The following SLC9A9 variants were observed in gnomAD, a reference collection of about 807,000 sequenced individuals.
SLC9A9 encodes solute carrier family 9 member A9, also known as sodium/hydrogen exchanger 9.
Under a neutral mutation model 77.8 loss-of-function variants are expected in SLC9A9, and 62 were observed. The ratio of observed to expected loss-of-function variants is 0.80; its 90% CI spans 0.65 to 0.98. The LOEUF (loss-of-function observed/expected upper bound fraction) is 0.98. Among genes scored for constraint, SLC9A9 ranks in the 50% least tolerant of loss-of-function variants. The pLI is 0.00. For synonymous variants in SLC9A9, 320 were observed against 283.5 expected (o/e 1.13, Z -1.29); for missense variants, 775 against 774.9 (o/e 1.00, Z 0.00).
At chr3:143,430,901 T>C (rs2034501895) in intron 12 of SLC9A9, among the ~76,000 whole-genome samples, 1 of 152,150 alleles carries the variant, frequency 6.6e-6, no homozygotes, top group South Asian at 2.1e-4. Flanking sequence ...GCTCTCTTCC[T>C]TTTTCCTTCC....
At chr3:143,533,276 C>T (rs6768181) in intron 9 of SLC9A9, among the ~76,000 whole-genome samples, 31,228 of 152,150 alleles carry the variant, frequency 0.21, 3,276 homozygotes, top group East Asian at 0.32. Context: ...CACAAATACA[C>T]GAGCAGACCC....
At chr3:143,398,802 G>T (rs574125528) in intron 12 of SLC9A9, among the ~76,000 whole-genome samples, 5 of 152,154 alleles carry the variant, frequency 3.3e-5, no homozygotes, top group African/African-American at 1.2e-4. Context: ...AATTAAAACA[G>T]CTTTGGGATA....
chr3:143,418,767 T>C (rs952192824), intron 12 of SLC9A9, among the ~76,000 whole-genome samples: 8 of 152,138 alleles, frequency 5.3e-5, no homozygotes, highest in Non-Finnish European at 1.2e-4. Flanking sequence ...CTTGAGATCA[T>C]GAATTTAAAG....
intron 14 of SLC9A9, among the ~76,000 whole-genome samples, chr3:143,285,269 T>C (rs1938351532): frequency 6.6e-6 from 1 of 152,178 alleles, no homozygotes; most frequent in African/African-American, 2.4e-5. Flanking sequence ...GTGTGTGATG[T>C]TCCCTGCCCT....
chr3:143,419,316 C>A (rs1235561272), intron 12 of SLC9A9, among the ~76,000 whole-genome samples: 1 of 152,112 alleles, frequency 6.6e-6, no homozygotes, highest in Non-Finnish European at 1.5e-5. Context: ...GCACAGAGAG[C>A]TTAAGTAACT....
intron 4 of SLC9A9, among the ~76,000 whole-genome samples, chr3:143,741,801 G>A (rs140122533): frequency 6.9e-4 from 105 of 152,196 alleles, no homozygotes; most frequent in Non-Finnish European, 1.3e-3. Flanking sequence ...TTATGACTGA[G>A]ACAGTGAAAG....
intron 12 of SLC9A9, among the ~76,000 whole-genome samples, chr3:143,390,898 G>A (rs557353186): frequency 6.6e-6 from 1 of 152,210 alleles, no homozygotes; most frequent in Admixed American, 6.5e-5. Flanking sequence ...CAGCAAGGCT[G>A]GGGGAGGGGT....
rs375152630 is a variant in SLC9A9 at position 143,325,271 on chromosome 3, A to G, written c.1604+38213T>C. Among the ~76,000 whole-genome samples, 279 of 152,326 alleles carry G rather than the reference A, an allele frequency of 1.8e-3. 1 individual carries two copies. Among genetic ancestry groups the G allele is most frequent in the African/African-American group, 6.5e-3 (269 of 41,566 alleles). ...ATACAAGGACTGAATGAGAAAATGC[A>G]TGTAAAACACCCAACACAGTCCTTA... On this transcript the variant is annotated intron_variant, in intron 14 of 15. Coordinates refer to ENST00000316549, the MANE Select transcript of SLC9A9 (RefSeq NM_173653.4).
At chr3:143,272,457 T>A (rs1027806024) in intron 14 of SLC9A9, among the ~76,000 whole-genome samples, 3 of 152,156 alleles carry the variant, frequency 2.0e-5, no homozygotes, top group Non-Finnish European at 4.4e-5. Flanking sequence ...AAACTGCTGA[T>A]TAGTTTACAG....
intron 12 of SLC9A9, among the ~76,000 whole-genome samples, chr3:143,445,023 T>C (rs2034817157): frequency 6.6e-6 from 1 of 152,162 alleles, no homozygotes; most frequent in African/African-American, 2.4e-5. Flanking sequence ...CCGGTTTTCC[T>C]CTGCTGTGAT....
intron 4 of SLC9A9, among the ~76,000 whole-genome samples, chr3:143,724,200 G>T (rs1226335305): frequency 2.0e-5 from 3 of 152,192 alleles, no homozygotes; most frequent in Non-Finnish European, 4.4e-5. Flanking sequence ...TCTCATGATA[G>T]TGAGTGAGTT....
At chr3:143,315,054 T>C (rs1266937042) in intron 14 of SLC9A9, among the ~76,000 whole-genome samples, 1 of 152,200 alleles carries the variant, frequency 6.6e-6, no homozygotes, top group African/African-American at 2.4e-5. Flanking sequence ...CAGAAACAAA[T>C]AACCCTAAGG....
At chr3:143,276,776 T>TA (rs372123185) in intron 14 of SLC9A9, among the ~76,000 whole-genome samples, 2,165 of 143,492 alleles carry the variant, frequency 0.015, 27 homozygotes, top group African/African-American at 0.034. Context: ...GAGTTTTGTC[T>TA]AAAAAAAAAA....
chr3:143,743,261 A>G (rs1161639349), intron 4 of SLC9A9, among the ~76,000 whole-genome samples: 1 of 150,726 alleles, frequency 6.6e-6, no homozygotes, highest in African/African-American at 2.5e-5. Context: ...ATAGATAGAT[A>G]GATAGATAGA....
chr3:143,409,836 G>C (rs375243647), intron 12 of SLC9A9, among the ~76,000 whole-genome samples: 62 of 152,260 alleles, frequency 4.1e-4, no homozygotes, highest in African/African-American at 1.5e-3. Context: ...TGATTCCCAA[G>C]ATCGAAATTT....
intron 11 of SLC9A9, among the ~76,000 whole-genome samples, chr3:143,488,746 A>G (rs925724637): frequency 6.6e-5 from 10 of 151,988 alleles, no homozygotes; most frequent in African/African-American, 1.9e-4. Flanking sequence ...AACTATCTTA[A>G]CATAATAAAA....
At chr3:143,670,096 C>T (rs1180030590) in intron 5 of SLC9A9, among the ~76,000 whole-genome samples, 1 of 152,146 alleles carries the variant, frequency 6.6e-6, no homozygotes, top group Non-Finnish European at 1.5e-5. Flanking sequence ...AAATTACTCC[C>T]TTGAACTTCT....
chr3:143,499,441 A>G (rs952264081), intron 9 of SLC9A9, among the ~76,000 whole-genome samples: 4 of 151,972 alleles, frequency 2.6e-5, no homozygotes, highest in African/African-American at 9.7e-5. Flanking sequence ...TCTAATGTTC[A>G]TTGCTAGATT....
chr3:143,758,211 A>G (rs905699368), intron 4 of SLC9A9, among the ~76,000 whole-genome samples: 1 of 152,204 alleles, frequency 6.6e-6, no homozygotes, highest in Non-Finnish European at 1.5e-5. Flanking sequence ...GCTGGTATGG[A>G]TATAATTAGC....
Sources: allele counts gnomAD v4.1 joint callset (sites outside exome capture counted in the v4.1 genomes callset), GRCh38; gene constraint gnomAD v4.1.1; transcripts MANE v1.5; gene names NCBI Gene and HGNC (gene_info 2026-07-23, HGNC 2026-07-21).